DLC1: variants seen among roughly 807,000 people sequenced by gnomAD.
DLC1 encodes the protein rho GTPase-activating protein 7.
Under a neutral mutation model 140.3 loss-of-function variants are expected in DLC1, and 54 were observed. The ratio of observed to expected loss-of-function variants is 0.38; its 90% confidence interval spans 0.31 to 0.48. The LOEUF (loss-of-function observed/expected upper bound fraction) is 0.48, where lower values mean the gene tolerates loss of function less well. DLC1 is among the 20% of genes least tolerant of loss of function. The pLI is 0.96. For synonymous variants in DLC1, 986 were observed against 728.1 expected (o/e 1.35, Z -5.70); for missense variants, 2,536 against 1,907.0 (o/e 1.33, Z -6.14).
chr8:13,214,576 T>TG, intron 5 of DLC1: 2 of 650,358 alleles, frequency 3.1e-6, no homozygotes, highest in Non-Finnish European at 5.6e-6. Context: ...TTTTTTTTTG[T>TG]GGCTGCCCGA....
At chr8:13,358,550 G>A (rs1426200849) in intron 4 of DLC1, among the ~76,000 whole-genome samples, 1 of 151,520 alleles carries the variant, frequency 6.6e-6, no homozygotes, top group Non-Finnish European at 1.5e-5. Flanking sequence ...GGAAATGTAA[G>A]AAAAGTTTTT....
intron 5 of DLC1, among the ~76,000 whole-genome samples, chr8:13,173,016 C>T (rs1825568776): frequency 6.6e-6 from 1 of 152,200 alleles, no homozygotes; most frequent in South Asian, 2.1e-4. Flanking sequence ...ATTATTGATA[C>T]AGCATTTTGT....
intron 4 of DLC1, among the ~76,000 whole-genome samples, chr8:13,367,701 A>T (rs1835550595): frequency 6.6e-6 from 1 of 152,060 alleles, no homozygotes; most frequent in South Asian, 2.1e-4. Flanking sequence ...GAAGTGAAGT[A>T]CTCTGCAGTT....
chr8:13,529,918 A>G (rs576377861), intron 1 of DLC1, among the ~76,000 whole-genome samples: 16 of 152,208 alleles, frequency 1.1e-4, no homozygotes, highest in Non-Finnish European at 1.5e-4. Flanking sequence ...TAGGGAAAGA[A>G]GGGACGAAAG....
intron 2 of DLC1, among the ~76,000 whole-genome samples, chr8:13,475,492 G>A (rs926840127): frequency 2.1e-4 from 32 of 152,152 alleles, no homozygotes; most frequent in Non-Finnish European, 2.9e-4. Flanking sequence ...AAGCCATGGA[G>A]ATTTTTGGAC....
intron 5 of DLC1, among the ~76,000 whole-genome samples, chr8:13,139,341 T>C (rs377132741): frequency 7.9e-6 from 1 of 126,022 alleles, no homozygotes; most frequent in Non-Finnish European, 1.6e-5. Context: ...AAAATGAGAG[T>C]CTGAGATTCT....
intron 5 of DLC1, among the ~76,000 whole-genome samples, chr8:13,278,773 G>T (rs1196307947): frequency 6.6e-6 from 1 of 152,128 alleles, no homozygotes; most frequent in African/African-American, 2.4e-5. Context: ...AAAGGAAGGG[G>T]AGCAGTAAAG....
intron 2 of DLC1, among the ~76,000 whole-genome samples, chr8:13,425,902 A>G (rs892767584): frequency 1.3e-5 from 2 of 152,158 alleles, no homozygotes; most frequent in African/African-American, 2.4e-5. Context: ...TCTATTTAGA[A>G]CAAGTTAAAG....
chr8:13,158,943 G>A (rs926410358), intron 5 of DLC1, among the ~76,000 whole-genome samples: 3 of 152,056 alleles, frequency 2.0e-5, no homozygotes, highest in Admixed American at 2.0e-4. Flanking sequence ...AGTGCCCTGA[G>A]CCCCTGAACC....
At chr8:13,266,752 C>G (rs962110830) in intron 5 of DLC1, among the ~76,000 whole-genome samples, 1 of 151,620 alleles carries the variant, frequency 6.6e-6, no homozygotes, top group Admixed American at 6.6e-5. Flanking sequence ...ATTAAAAAAA[C>G]AAAACAAAAC....
intron 4 of DLC1, among the ~76,000 whole-genome samples, chr8:13,393,091 A>G (rs1416557633): frequency 6.6e-6 from 1 of 151,928 alleles, no homozygotes; most frequent in Non-Finnish European, 1.5e-5. Context: ...ATCTACATCT[A>G]TCTCTATCAT....
In DLC1 at chr8:13,313,889, C is replaced by T. The variant is rs531404669; in HGVS notation, c.1315-8587G>A. 4.6e-5 allele frequency among the ~76,000 whole-genome samples: 7 copies of T among 152,136 alleles called. 1 individual carries two copies. The highest frequency in any genetic ancestry group is 1.4e-4 in the African/African-American group (6 of 41,522). On this transcript the variant is annotated intron_variant, in intron 4 of 17. Coordinates refer to ENST00000276297, the MANE Select transcript of DLC1 (RefSeq NM_182643.3). The stretch of plus-strand genomic sequence containing the variant: ...TTTGAGGTTTGTCACCCCAAACTAG[C>T]TATTACTAGGTGGGCCTATTCTTTG...
At chr8:13,287,563 C>T (rs531778387) in intron 5 of DLC1, among the ~76,000 whole-genome samples, 2 of 152,276 alleles carry the variant, frequency 1.3e-5, no homozygotes, top group African/African-American at 2.4e-5. Context: ...CTGAATTAAA[C>T]CCTTGTTGGT....
At chr8:13,224,544 T>G (rs572857611) in intron 5 of DLC1, among the ~76,000 whole-genome samples, 1 of 152,218 alleles carries the variant, frequency 6.6e-6, no homozygotes, top group Non-Finnish European at 1.5e-5. Context: ...TGTGTATCAC[T>G]GTCTGACAGG....
chr8:13,344,072 C>T (rs950674753), intron 4 of DLC1, among the ~76,000 whole-genome samples: 3 of 152,096 alleles, frequency 2.0e-5, no homozygotes, highest in African/African-American at 7.2e-5. Flanking sequence ...TGTTACTGTC[C>T]TACAAACTAT....
chr8:13,491,102 T>A (rs549398900), intron 2 of DLC1, among the ~76,000 whole-genome samples: 12 of 145,264 alleles, frequency 8.3e-5, no homozygotes, highest in Admixed American at 2.7e-4. Flanking sequence ...ATTTAATATT[T>A]TTTATATATA....
chr8:13,164,753 G>A (rs1824979851), intron 5 of DLC1, among the ~76,000 whole-genome samples: 1 of 152,138 alleles, frequency 6.6e-6, no homozygotes, highest in Non-Finnish European at 1.5e-5. Context: ...CTCCTTCAGA[G>A]CTTTCACAAA....
chr8:13,504,562 G>A (rs1206362406), intron 1 of DLC1, among the ~76,000 whole-genome samples: 1 of 152,202 alleles, frequency 6.6e-6, no homozygotes, highest in East Asian at 1.9e-4. Context: ...GACCACGTAA[G>A]AAATGTCGTT....
chr8:13,541,740 G>A (rs1297449489), intron 1 of DLC1, among the ~76,000 whole-genome samples: 2 of 152,070 alleles, frequency 1.3e-5, no homozygotes, highest in Non-Finnish European at 2.9e-5. Context: ...TAGTAGAGAT[G>A]GGGTTTCACC....
Sources: allele counts gnomAD v4.1 joint callset (sites outside exome capture counted in the v4.1 genomes callset), GRCh38; gene constraint gnomAD v4.1.1; transcripts MANE v1.5; gene names NCBI Gene and HGNC (gene_info 2026-07-23, HGNC 2026-07-21).